PITPNC1: variants seen among roughly 807,000 people sequenced by gnomAD.
PITPNC1 encodes cytoplasmic phosphatidylinositol transfer protein 1.
A neutral mutation model predicts 44.7 loss-of-function variants in PITPNC1; 18 were observed. The ratio of observed to expected loss-of-function variants is 0.40; its 90% confidence interval spans 0.28 to 0.60. The LOEUF (loss-of-function observed/expected upper bound fraction) is 0.60. Among genes scored for constraint, PITPNC1 ranks in the 20% least tolerant of loss-of-function variants. The pLI is 0.39. For synonymous variants in PITPNC1, 141 were observed against 149.6 expected, an observed-to-expected ratio of 0.94 and a Z score of 0.42; for missense variants, 290 against 418.4, an observed-to-expected ratio of 0.69 and a Z score of 2.68.
rs140488203 is a variant in PITPNC1, at chr17:67,565,932, G to T, written c.295-12254G>T. Among the ~76,000 whole-genome samples, 48 of 150,000 alleles carry T rather than the reference G, an allele frequency of 3.2e-4. 1 individual carries two copies. Among genetic ancestry groups the T allele is most frequent in the African/African-American group, 1.1e-3 (46 of 40,734 alleles). ...TGTATACTCGTTTTCCATGTTTTTCGATGTGTATACTAGTTTTTCCATGTA... is the reference window on the plus strand; with the variant it reads ...TGTATACTCGTTTTCCATGTTTTTCTATGTGTATACTAGTTTTTCCATGTA... On this transcript the variant is annotated intron_variant, in intron 4 of 8. Coordinates refer to ENST00000581322, the MANE Select transcript of PITPNC1 (RefSeq NM_012417.4).
intron 4 of PITPNC1, among the ~76,000 whole-genome samples, chr17:67,560,789 A>G (rs1230871533): frequency 1.3e-5 from 2 of 152,222 alleles, no homozygotes; most frequent in Non-Finnish European, 2.9e-5. Flanking sequence ...TTGAGGGGAA[A>G]GAGCAGGTGA....
chr17:67,409,896 T>C (rs376022101), intron 1 of PITPNC1, among the ~76,000 whole-genome samples: 13 of 152,342 alleles, frequency 8.5e-5, no homozygotes, highest in African/African-American at 3.1e-4. Flanking sequence ...TCTGCCATGA[T>C]GTATTTATTT....
At chr17:67,608,765 A>C (rs557629857) in intron 5 of PITPNC1, among the ~76,000 whole-genome samples, 5 of 149,090 alleles carry the variant, frequency 3.4e-5, no homozygotes, top group African/African-American at 1.2e-4. Context: ...CAGCCTCCCA[A>C]AGCGTTGGGA....
At chr17:67,576,167 G>A (rs1037390978) in intron 4 of PITPNC1, among the ~76,000 whole-genome samples, 4 of 152,130 alleles carry the variant, frequency 2.6e-5, no homozygotes, top group South Asian at 2.1e-4. Flanking sequence ...ATGAGCCACC[G>A]TGCCTGGCCA....
intron 1 of PITPNC1, among the ~76,000 whole-genome samples, chr17:67,434,807 A>T (rs12450899): frequency 6.3e-4 from 94 of 148,438 alleles, no homozygotes; most frequent in Middle Eastern, 3.4e-3. Context: ...CAAAAAAAAA[A>T]AAAAAATAAA....
At chr17:67,669,998 G>C (rs373054020) in intron 7 of PITPNC1, among the ~76,000 whole-genome samples, 3 of 151,870 alleles carry the variant, frequency 2.0e-5, no homozygotes, top group African/African-American at 7.3e-5. Context: ...ACTTGAACCC[G>C]GGAGGCAGAG....
At chr17:67,573,745 A>C (rs1439206016) in intron 4 of PITPNC1, among the ~76,000 whole-genome samples, 2 of 151,804 alleles carry the variant, frequency 1.3e-5, no homozygotes, top group Admixed American at 1.3e-4. Flanking sequence ...GTATTTTTGT[A>C]GAGATGGGGG....
intron 1 of PITPNC1, among the ~76,000 whole-genome samples, chr17:67,448,542 C>G (rs2039132735): frequency 1.3e-5 from 2 of 152,138 alleles, no homozygotes; most frequent in South Asian, 2.1e-4. Flanking sequence ...CATGCTTTAT[C>G]TTGGTCTCTA....
At chr17:67,585,560 T>G (rs189758670) in intron 5 of PITPNC1, among the ~76,000 whole-genome samples, 1,757 of 152,166 alleles carry the variant, frequency 0.012, 14 homozygotes, top group Non-Finnish European at 0.02. Flanking sequence ...CCCAGCACTT[T>G]GGGAGGCTGA....
chr17:67,528,067 A>G (rs1264031024), intron 1 of PITPNC1, among the ~76,000 whole-genome samples: 1 of 152,090 alleles, frequency 6.6e-6, no homozygotes, highest in Non-Finnish European at 1.5e-5. Flanking sequence ...TTTGAGACAA[A>G]GGCTCCCTCT....
intron 1 of PITPNC1, among the ~76,000 whole-genome samples, chr17:67,500,234 C>G (rs984229424): frequency 4.6e-5 from 7 of 152,082 alleles, no homozygotes; most frequent in African/African-American, 1.7e-4. Context: ...AAGGCCTTAC[C>G]CTTTCATTTT....
At chr17:67,637,034 C>T (rs2042041279) in intron 6 of PITPNC1, among the ~76,000 whole-genome samples, 2 of 152,118 alleles carry the variant, frequency 1.3e-5, no homozygotes, top group South Asian at 2.1e-4. Flanking sequence ...AGTTCTGGTC[C>T]GTGGCTTCTA....
At chr17:67,596,750 T>C (rs148555642) in intron 5 of PITPNC1, among the ~76,000 whole-genome samples, 4 of 152,254 alleles carry the variant, frequency 2.6e-5, no homozygotes, top group Non-Finnish European at 5.9e-5. Context: ...AAATGTAAAG[T>C]CATCTGATTT....
intron 1 of PITPNC1, among the ~76,000 whole-genome samples, chr17:67,518,425 T>A (rs2040284020): frequency 6.7e-6 from 1 of 148,176 alleles, no homozygotes; most frequent in Non-Finnish European, 1.5e-5. Context: ...TATCAGTGTT[T>A]AATCAGGACC....
At chr17:67,467,583 A>G (rs1291228493) in intron 1 of PITPNC1, among the ~76,000 whole-genome samples, 1 of 152,160 alleles carries the variant, frequency 6.6e-6, no homozygotes, top group Non-Finnish European at 1.5e-5. Flanking sequence ...TTCTAGCTAT[A>G]CTAACATGTC....
intron 1 of PITPNC1, among the ~76,000 whole-genome samples, chr17:67,528,687 C>G (rs1598782984): frequency 6.6e-6 from 1 of 152,342 alleles, no homozygotes; most frequent in African/African-American, 2.4e-5. Flanking sequence ...CCACGTTCTG[C>G]TGCAGCGGTT....
chr17:67,420,897 C>T (rs1159062412), intron 1 of PITPNC1, among the ~76,000 whole-genome samples: 1 of 152,164 alleles, frequency 6.6e-6, no homozygotes, highest in Non-Finnish European at 1.5e-5. Flanking sequence ...GTGATGGAAG[C>T]AAAGTCAGGA....
intron 1 of PITPNC1, among the ~76,000 whole-genome samples, chr17:67,427,494 G>C (rs1327291043): frequency 6.6e-6 from 1 of 152,154 alleles, no homozygotes; most frequent in East Asian, 1.9e-4. Context: ...TTACAGGCAT[G>C]AGCCACTGCA....
intron 5 of PITPNC1, among the ~76,000 whole-genome samples, chr17:67,591,606 G>A (rs1413139558): frequency 6.6e-6 from 1 of 152,102 alleles, no homozygotes; most frequent in East Asian, 1.9e-4. Context: ...TCTGGGTAAA[G>A]GGTGTTCAGG....
Sources: gnomAD v4.1 joint callset for allele counts (sites outside exome capture counted in the v4.1 genomes callset) on GRCh38, gnomAD v4.1.1 for gene constraint, MANE v1.5 for transcripts, NCBI Gene and HGNC (gene_info 2026-07-23, HGNC 2026-07-21) for gene names.